SH3PXD2B: variants seen among roughly 807,000 people sequenced by gnomAD.
SH3PXD2B encodes SH3 and PX domain-containing protein 2B.
Under a neutral mutation model 73.1 loss-of-function variants are expected in SH3PXD2B, and 37 were observed. The observed-to-expected ratio is 0.51, with a 90% CI of 0.39 to 0.67. The LOEUF is 0.67. Ranked by LOEUF, SH3PXD2B falls within the 30% of genes least tolerant of loss-of-function variation. The probability of loss-of-function intolerance (pLI) is 0.00; values close to 1 mark genes in which losing one functional copy is unlikely to be tolerated. For synonymous variants in SH3PXD2B, 457 were observed against 480.5 expected (o/e 0.95, Z 0.64); for missense variants, 1,053 against 1,197.8 (o/e 0.88, Z 1.78).
intron 2 of SH3PXD2B, among the ~76,000 whole-genome samples, chr5:172,406,679 G>C (rs988187691): frequency 6.6e-6 from 1 of 152,162 alleles, no homozygotes; most frequent in Non-Finnish European, 1.5e-5. Context: ...TGGACAGCAG[G>C]TCATCCTGCT....
At chr5:172,370,485 A>T (rs1314811799) in intron 6 of SH3PXD2B, among the ~76,000 whole-genome samples, 1 of 152,248 alleles carries the variant, frequency 6.6e-6, no homozygotes, top group Non-Finnish European at 1.5e-5. Context: ...ACAGAGAGCC[A>T]GGAAATGAGG....
chr5:172,347,208 T>G, intron 11 of SH3PXD2B, 75 bp downstream of exon 11: 1 of 1,414,054 alleles, frequency 7.1e-7, no homozygotes, highest in Non-Finnish European at 1.0e-6. Context: ...GGGCGAGGGG[T>G]GTGTGAGGGG....
chr5:172,359,499 A>G (rs1202657565), intron 7 of SH3PXD2B, among the ~76,000 whole-genome samples: 1 of 151,896 alleles, frequency 6.6e-6, no homozygotes. Flanking sequence ...TCCCAACTGC[A>G]CACATGAGGA....
At chr5:172,413,479 C>T (rs2113445933) in intron 2 of SH3PXD2B, among the ~76,000 whole-genome samples, 1 of 152,362 alleles carries the variant, frequency 6.6e-6, no homozygotes, top group East Asian at 1.9e-4. Flanking sequence ...GCCCCACTAC[C>T]TCCTCACTGG....
intron 6 of SH3PXD2B, among the ~76,000 whole-genome samples, chr5:172,368,860 T>C (rs1271195613): frequency 1.6e-5 from 2 of 125,672 alleles, no homozygotes; most frequent in East Asian, 4.4e-4. Flanking sequence ...ATAGTATATA[T>C]ATATGTTTTT....
At chr5:172,409,907 G>T (rs1758653208) in intron 2 of SH3PXD2B, among the ~76,000 whole-genome samples, 1 of 152,036 alleles carries the variant, frequency 6.6e-6, no homozygotes, top group Non-Finnish European at 1.5e-5. Context: ...GTACAGACGG[G>T]GTTTCACCAT....
rs1487242436 is a variant in SH3PXD2B, at chr5:172,454,471, G to A, written c.-119C>T. On this transcript the variant is annotated 5_prime_UTR_variant, in exon 1 of 13. Transcript: ENST00000311601. Reference sequence around the variant, plus strand: ...GGAGCTGAGCGCAATCGCAGCCGGGGCCGAGCACGAGCCGCCGCCGCCACC... The same window carrying A: ...GGAGCTGAGCGCAATCGCAGCCGGGACCGAGCACGAGCCGCCGCCGCCACC... 7 of 429,274 alleles carry A rather than the reference G, an allele frequency of 1.6e-5. No homozygotes were observed. The highest frequency in any genetic ancestry group is 1.2e-4 in the Admixed American group (2 of 16,646). The allele number at this position is 429,274 out of a possible 1,614,324, so 26.6% of individuals were successfully genotyped here. A position where few individuals can be genotyped will look rare whatever the true frequency, so the allele number is the denominator to read the frequency against.
At chr5:172,358,471 T>C (rs555784219) in intron 8 of SH3PXD2B, among the ~76,000 whole-genome samples, 30 of 152,312 alleles carry the variant, frequency 2.0e-4, no homozygotes, top group African/African-American at 6.0e-4. Flanking sequence ...GAGGGAGGAA[T>C]AGTGAACTGT....
Position 172,337,154 on chromosome 5 carries a change from T to C in SH3PXD2B, c.*1215A>G, listed in dbSNP as rs4424012. 0.64 allele frequency: 628,664 copies of C among 985,236 alleles called. 201,515 individuals carry two copies. Among genetic ancestry groups the C allele is most frequent in the South Asian group, 0.83 (17,658 of 21,284 alleles). The allele number at this position is 985,236 out of a possible 1,614,324, so 61.0% of individuals were successfully genotyped here. On this transcript the variant is annotated 3_prime_UTR_variant, in exon 13 of 13. Transcript: ENST00000311601. ...CCCTGGCATTCTCCTGTCATGGAGA[T>C]GCAGCTGTTGAGTCCAGGGCAGCCT...
intron 12 of SH3PXD2B, among the ~76,000 whole-genome samples, chr5:172,343,129 CG>C (rs1756896690): frequency 1.3e-5 from 2 of 152,334 alleles, no homozygotes; most frequent in East Asian, 3.9e-4. Flanking sequence ...ACTGAGCCAG[CG>C]GGATGCACTT....
intron 4 of SH3PXD2B, among the ~76,000 whole-genome samples, chr5:172,385,942 C>G (rs1758051688): frequency 6.6e-6 from 1 of 152,200 alleles, no homozygotes; most frequent in African/African-American, 2.4e-5. Flanking sequence ...CAGGATAGTC[C>G]TAAGTCCTGT....
chr5:172,336,170 G>A lies in SH3PXD2B; in HGVS notation c.*2199C>T, dbSNP rs908408277. 37 of 985,820 alleles carry A rather than the reference G, an allele frequency of 3.8e-5. No homozygotes were observed. The highest frequency in any genetic ancestry group is 4.0e-5 in the Non-Finnish European group (33 of 830,314). The allele number at this position is 985,820 out of a possible 1,614,324, so 61.1% of individuals were successfully genotyped here. On this transcript the variant is annotated 3_prime_UTR_variant, in exon 13 of 13. Coordinates refer to ENST00000311601, the MANE Select transcript of SH3PXD2B (RefSeq NM_001017995.3). ...AGACACTCACAAAGTATCTGAAAGC[G>A]TCGCTGAAAGGCAAAGAGCAAATCA... is the stretch of plus-strand genomic sequence containing the variant.
chr5:172,398,558 C>G (rs896073001), intron 3 of SH3PXD2B, among the ~76,000 whole-genome samples: 1 of 152,318 alleles, frequency 6.6e-6, no homozygotes, highest in South Asian at 2.1e-4. Context: ...CGCCGTGTTA[C>G]AGAGGCTGGA....
At chr5:172,328,740 C>T (rs574564886), downstream of SH3PXD2B, among the ~76,000 whole-genome samples, 6 of 152,130 alleles carry the variant, frequency 3.9e-5, no homozygotes, top group African/African-American at 1.2e-4. Context: ...CAGCTAGGGG[C>T]CCAGTGGAAT....
At chr5:172,364,837 A>G (rs955751477) in intron 6 of SH3PXD2B, among the ~76,000 whole-genome samples, 1 of 152,080 alleles carries the variant, frequency 6.6e-6, no homozygotes, top group African/African-American at 2.4e-5. Context: ...TTTACACCAC[A>G]GAAATTGGCA....
intron 5 of SH3PXD2B, among the ~76,000 whole-genome samples, chr5:172,381,635 T>A (rs1194270890): frequency 6.6e-6 from 1 of 152,104 alleles, no homozygotes; most frequent in Non-Finnish European, 1.5e-5. Flanking sequence ...TCACCGGCAG[T>A]GGGGTCTTCG....
At position 172,440,555 on chromosome 5, in the gene SH3PXD2B, C is replaced by A. The variant is rs928172771; in HGVS notation, c.75+13723G>T. 2.0e-5 allele frequency among the ~76,000 whole-genome samples: 3 copies of A among 152,284 alleles called. No individual in the cohort carries two copies. The East Asian group carries it at 5.8e-4, about 29-fold the overall frequency. On this transcript the variant is annotated intron_variant, in intron 1 of 12. Coordinates refer to ENST00000311601, the MANE Select transcript of SH3PXD2B (RefSeq NM_001017995.3). ...TCACCTTTCAGCCCCACAACCAAAGCCAAAAATGTCAGAGCAGAAAACTGC... is the reference window on the plus strand; with the variant it reads ...TCACCTTTCAGCCCCACAACCAAAGACAAAAATGTCAGAGCAGAAAACTGC...
In SH3PXD2B at chr5:172,338,247, A is replaced by G; in HGVS notation, c.*122T>C. 1 of 1,577,134 alleles carries G rather than the reference A, an allele frequency of 6.3e-7. No homozygotes were observed. The highest frequency in any genetic ancestry group is 8.6e-7 in the Non-Finnish European group (1 of 1,162,972). On this transcript the variant is annotated 3_prime_UTR_variant, in exon 13 of 13. Transcript: ENST00000311601. The surrounding 1 kb of genome is among the most constrained non-coding windows in gnomAD (Gnocchi z 5.1). ...CTCCACCCATGGGAGGCAAGAAGTC[A>G]CAGTACCCCAGAGTCTGTCTGCCTT...
In SH3PXD2B at chr5:172,336,175, T is replaced by C. The variant is rs370873758; in HGVS notation, c.*2194A>G. 1.7e-5 allele frequency: 17 copies of C among 985,744 alleles called. 1 individual carries two copies. In the East Asian group the frequency reaches 4.5e-4, roughly 26 times the overall value. 61.1% of individuals were successfully genotyped at this position (985,744 alleles called of 1,614,324 possible). On this transcript the variant is annotated 3_prime_UTR_variant, in exon 13 of 13. Transcript: ENST00000311601. ...CTCACAAAGTATCTGAAAGCGTCGC[T>C]GAAAGGCAAAGAGCAAATCAGAAAA... is the stretch of plus-strand genomic sequence containing the variant.
Sources: allele counts gnomAD v4.1 joint callset (sites outside exome capture counted in the v4.1 genomes callset), GRCh38; gene constraint gnomAD v4.1.1; non-coding constraint Gnocchi (gnomAD v3.1); transcripts MANE v1.5; gene names NCBI Gene and HGNC (gene_info 2026-07-23, HGNC 2026-07-21).